CHRM3: variants seen among roughly 807,000 people sequenced by gnomAD.
CHRM3 encodes cholinergic receptor muscarinic 3.
CHRM3 carries 11 observed loss-of-function variants against 41.8 expected under a neutral mutation model. The ratio of observed to expected loss-of-function variants is 0.26; its 90% CI spans 0.17 to 0.44. The LOEUF (loss-of-function observed/expected upper bound fraction) is 0.44, where lower values mean the gene tolerates loss of function less well. Among genes scored for constraint, CHRM3 ranks in the 20% least tolerant of loss-of-function variants. CHRM3 has a pLI of 1.00. For missense variants in CHRM3, 571 were observed against 745.4 expected, an observed-to-expected ratio of 0.77 and a Z score of 2.72; for synonymous variants, 297 against 301.4, an observed-to-expected ratio of 0.99 and a Z score of 0.15.
intron 1 of CHRM3, among the ~76,000 whole-genome samples, chr1:239,396,699 T>C (rs1186855136): frequency 1.3e-5 from 2 of 152,204 alleles, no homozygotes; most frequent in Non-Finnish European, 2.9e-5. Context: ...TATGGAAATA[T>C]ATATCAAAAG....
chr1:239,397,658 C>A (rs975745766), intron 1 of CHRM3, among the ~76,000 whole-genome samples: 3 of 148,214 alleles, frequency 2.0e-5, no homozygotes, highest in Non-Finnish European at 3.0e-5. Flanking sequence ...GGCAACAGAG[C>A]GAGACTCTGT....
rs970930544 is a variant in CHRM3, at chr1:239,911,280, G to A, written c.*2056G>A. 3.0e-5 allele frequency: 5 copies of A among 166,622 alleles called. No homozygotes were observed. Among genetic ancestry groups the A allele is most frequent in the Admixed American group, 2.6e-4 (4 of 15,244 alleles). 10.3% of individuals were successfully genotyped at this position (166,622 alleles called of 1,614,324 possible). ...AAAAAAAAAAACAATCAGCATAATT[G>A]TAAGAATGATTTTTTTGGGCCCACA... On this transcript the variant is annotated 3_prime_UTR_variant, in exon 7 of 7. Transcript: ENST00000676153.
At chr1:239,738,332 A>G (rs1366479506) in intron 5 of CHRM3, among the ~76,000 whole-genome samples, 2 of 152,170 alleles carry the variant, frequency 1.3e-5, no homozygotes, top group African/African-American at 4.8e-5. Flanking sequence ...ATTTGAGAGA[A>G]GCTACATTGC....
chr1:239,770,898 T>C (rs1043573309), intron 5 of CHRM3, among the ~76,000 whole-genome samples: 2 of 151,956 alleles, frequency 1.3e-5, no homozygotes, highest in Non-Finnish European at 2.9e-5. Flanking sequence ...ACCAGCCTGA[T>C]CAAAAATGGT....
intron 1 of CHRM3, among the ~76,000 whole-genome samples, chr1:239,409,802 C>T (rs956361602): frequency 6.6e-6 from 1 of 152,014 alleles, no homozygotes; most frequent in African/African-American, 2.4e-5. Context: ...ATTACCCGGG[C>T]GTGGTTGCGG....
chr1:239,426,187 GA>G (rs1448044753), intron 1 of CHRM3, among the ~76,000 whole-genome samples: 1 of 120,716 alleles, frequency 8.3e-6, no homozygotes, highest in Non-Finnish European at 1.6e-5. Flanking sequence ...GGTAAGTCAG[GA>G]AACAACAGGT....
chr1:239,806,417 TACAC>T lies in CHRM3; in HGVS notation c.-146-20812_-146-20809del, dbSNP rs5782102. 3.1e-4 allele frequency among the ~76,000 whole-genome samples: 46 copies of T among 146,132 alleles called. 1 individual carries two copies. Among genetic ancestry groups the T allele is most frequent in the African/African-American group, 1.1e-3 (42 of 38,614 alleles). ...CACCTGTGGACATCCAGGATGGAGT[TACAC>T]ACACACACACACACACACACACCCC... On this transcript the variant is annotated intron_variant, in intron 5 of 6. Coordinates refer to ENST00000676153, the MANE Select transcript of CHRM3 (RefSeq NM_001375978.1).
At chr1:239,493,111 G>A (rs1667660048) in intron 2 of CHRM3, among the ~76,000 whole-genome samples, 1 of 152,124 alleles carries the variant, frequency 6.6e-6, no homozygotes, top group South Asian at 2.1e-4. Flanking sequence ...TTCCAGTAAG[G>A]GAAAGATTTT....
chr1:239,416,755 A>C (rs1661532776), intron 1 of CHRM3, among the ~76,000 whole-genome samples: 1 of 152,194 alleles, frequency 6.6e-6, no homozygotes, highest in Non-Finnish European at 1.5e-5. Context: ...AGTAGATTAG[A>C]AAGACATATA....
chr1:239,904,150 G>C (rs1679788967), intron 6 of CHRM3, among the ~76,000 whole-genome samples: 1 of 152,158 alleles, frequency 6.6e-6, no homozygotes, highest in East Asian at 1.9e-4. Flanking sequence ...CAGAGACCTA[G>C]ATAGTAGAAA....
intron 3 of CHRM3, among the ~76,000 whole-genome samples, chr1:239,613,167 C>T (rs973889652): frequency 1.3e-5 from 2 of 152,068 alleles, no homozygotes; most frequent in African/African-American, 4.8e-5. Flanking sequence ...ACCTAAGCAG[C>T]GAAGTGAAGA....
At chr1:239,597,325 A>G (rs913781363) in intron 3 of CHRM3, among the ~76,000 whole-genome samples, 1 of 152,156 alleles carries the variant, frequency 6.6e-6, no homozygotes, top group Non-Finnish European at 1.5e-5. Flanking sequence ...TTTGTTTTCA[A>G]TGGCCCTATA....
At chr1:239,849,978 T>A (rs613228) in intron 6 of CHRM3, among the ~76,000 whole-genome samples, 142,875 of 152,172 alleles carry the variant, frequency 0.94, 67,739 homozygotes, top group East Asian at 1. Context: ...TCCTTTTAAT[T>A]TAAATATGTT....
At chr1:239,836,774 G>C (rs1354928765) in intron 6 of CHRM3, among the ~76,000 whole-genome samples, 1 of 152,092 alleles carries the variant, frequency 6.6e-6, no homozygotes, top group Non-Finnish European at 1.5e-5. Flanking sequence ...TCAAGAGATC[G>C]AGACCATCTG....
chr1:239,577,322 T>C (rs1662461498), intron 3 of CHRM3, among the ~76,000 whole-genome samples: 2 of 152,314 alleles, frequency 1.3e-5, no homozygotes, highest in South Asian at 2.1e-4. Flanking sequence ...TTTAATTTTT[T>C]TAAATAAAAA....
intron 4 of CHRM3, among the ~76,000 whole-genome samples, chr1:239,656,041 A>G (rs1381029063): frequency 6.6e-6 from 1 of 152,142 alleles, no homozygotes; most frequent in Non-Finnish European, 1.5e-5. Context: ...TAAGTGAATT[A>G]ATGCAGAAAT....
intron 5 of CHRM3, among the ~76,000 whole-genome samples, chr1:239,817,370 T>C (rs1013876207): frequency 6.6e-6 from 1 of 152,182 alleles, no homozygotes; most frequent in Admixed American, 6.5e-5. Context: ...CTTTCTCTTC[T>C]TACTTTTCCT....
intron 5 of CHRM3, among the ~76,000 whole-genome samples, chr1:239,811,634 T>C (rs753609510): frequency 2.6e-5 from 4 of 152,210 alleles, no homozygotes; most frequent in African/African-American, 4.8e-5. Context: ...AAAGTCTCTC[T>C]CTCTTGCATG....
intron 5 of CHRM3, among the ~76,000 whole-genome samples, chr1:239,709,080 G>C (rs1179898974): frequency 6.6e-6 from 1 of 151,672 alleles, no homozygotes; most frequent in African/African-American, 2.4e-5. Flanking sequence ...TTTTCTATCT[G>C]TTTCTACCTA....
Sources: allele counts gnomAD v4.1 joint callset (sites outside exome capture counted in the v4.1 genomes callset), GRCh38; gene constraint gnomAD v4.1.1; transcripts MANE v1.5; gene names NCBI Gene and HGNC (gene_info 2026-07-23, HGNC 2026-07-21).